Variants in CNKSR2 observed in about 807,000 individuals in gnomAD.
CNKSR2 encodes the protein connector enhancer of kinase suppressor of Ras 2, also known as CNK homolog protein 2.
In CNKSR2, 14 loss-of-function variants were observed where a neutral mutation model predicts 84.4. That is an observed-to-expected ratio of 0.17 (90% CI 0.11 to 0.26). CNKSR2 has a LOEUF of 0.26. Among genes scored for constraint, CNKSR2 ranks in the 10% least tolerant of loss-of-function variants. The pLI is 1.00. For synonymous variants in CNKSR2, 275 were observed against 277.9 expected (o/e 0.99, Z 0.10); for missense variants, 485 against 771.2 (o/e 0.63, Z 4.40).
chrX:21,457,555 A>G lies in CNKSR2; in HGVS notation c.520-13211A>G, dbSNP rs777412900. ...GCATTGATATTTTTTGTTAAACATC[A>G]TTGTATGATACATCATGATATTGAT... On this transcript the variant is annotated intron_variant, in intron 4 of 21. Transcript: ENST00000379510. 3.3e-3 allele frequency among the ~76,000 whole-genome samples: 367 copies of G among 112,050 alleles called. 2 individuals carry two copies. Among genetic ancestry groups the G allele is most frequent in the African/African-American group, 0.011 (340 of 30,939 alleles).
Position 21,648,977 on chromosome X carries a change from G to T in CNKSR2, c.2839G>T (p.Val947Leu), listed in dbSNP as rs2092714120. 8.3e-7 allele frequency: 1 copy of T among 1,201,527 alleles called. No homozygotes were observed. ...LSFIKRCNDP[V>L]MNEKLHRLRI... is the part of the protein sequence containing the mutation. ...ATTTATAAAAAGATGTAATGATCCT[G>T]TAATGAATGAAAAACTACACCGGCT... Residue 947 changes from valine (V) to leucine (L), a missense_variant, in exon 21 of 22, where the codon GTA becomes TTA. Coordinates refer to ENST00000379510, the MANE Select transcript of CNKSR2 (RefSeq NM_014927.5).
chrX:21,489,434 C>G (rs746653923), intron 5 of CNKSR2, among the ~76,000 whole-genome samples: 2 of 110,579 alleles, frequency 1.8e-5, no homozygotes, highest in Non-Finnish European at 1.9e-5. Context: ...ATAATAGTTC[C>G]TCCTATAGTT....
At chrX:21,578,549 G>GT (rs199558488) in intron 13 of CNKSR2, among the ~76,000 whole-genome samples, 10,483 of 82,924 alleles carry the variant, frequency 0.13, 537 homozygotes, top group Non-Finnish European at 0.15. Context: ...CTACTTACCT[G>GT]TTTTTTTTTT....
At chrX:21,491,452 T>A (rs1362281099) in intron 6 of CNKSR2, 1 of 112,281 alleles carries the variant, frequency 8.9e-6, no homozygotes, top group Non-Finnish European at 1.9e-5. Flanking sequence ...TCTAAGCAAG[T>A]TTAACTTTTT....
chrX:21,600,910 T>C (rs1767297851), intron 17 of CNKSR2, among the ~76,000 whole-genome samples: 1 of 112,466 alleles, frequency 8.9e-6, no homozygotes, highest in Admixed American at 9.4e-5. Context: ...AAATTGAACC[T>C]GATACTGTTT....
chrX:21,614,619 A>C (rs978071862), intron 20 of CNKSR2, among the ~76,000 whole-genome samples: 6 of 111,779 alleles, frequency 5.4e-5, no homozygotes, highest in Admixed American at 9.5e-5. Context: ...AGTAGTGAGA[A>C]AATTATTTTA....
In CNKSR2 at chrX:21,486,170, G is replaced by A. The variant is rs752283150; in HGVS notation, c.562-4289G>A. On this transcript the variant is annotated intron_variant, in intron 5 of 21. Transcript: ENST00000379510. ...TAAAATAATTTGATATGAATATTGC[G>A]AAAATAGCAAATAATAACAGTGGTT... is the stretch of plus-strand genomic sequence containing the variant. Among the ~76,000 whole-genome samples, 10 of 111,798 alleles carry A rather than the reference G, an allele frequency of 8.9e-5. No individual in the cohort carries two copies. The South Asian group carries it at 3.0e-3, about 34-fold the overall frequency.
chrX:21,490,665 A>G (rs1027243242), intron 6 of CNKSR2, 87 bp downstream of exon 6: 2 of 972,723 alleles, frequency 2.1e-6, no homozygotes, highest in African/African-American at 1.9e-5. Flanking sequence ...GTGGGAATCT[A>G]TGAATTTCAA....
chrX:21,585,072 A>G (rs1410748083), intron 13 of CNKSR2, among the ~76,000 whole-genome samples: 1 of 106,884 alleles, frequency 9.4e-6, no homozygotes, highest in Non-Finnish European at 1.9e-5. Flanking sequence ...GTAAAACCCC[A>G]TCTCTACTAA....
chrX:21,473,961 G>T (rs2147150510), intron 5 of CNKSR2, among the ~76,000 whole-genome samples: 1 of 108,252 alleles, frequency 9.2e-6, no homozygotes, highest in South Asian at 4.1e-4. Context: ...GTGTTAGCCA[G>T]GATGGTCTCA....
Position 21,495,783 on chromosome X carries a change from C to CAAAAAAAAAAAAAAAAAAAAAAAAAA in CNKSR2, c.682-1990_682-1965dup, listed in dbSNP as rs55689293. On this transcript the variant is annotated intron_variant, in intron 6 of 21. Transcript: ENST00000379510. ...GGGGGACGAAAGTGAAGCTCCGTCT[C>CAAAAAAAAAAAAAAAAAAAAAAAAAA]AAAAAAAAAAAAAAAAAAAAAAAAA... 2.9e-4 allele frequency: 2 copies of CAAAAAAAAAAAAAAAAAAAAAAAAAA among 6,963 alleles called. 1 individual carries two copies. The highest frequency in any genetic ancestry group is 5.1e-4 in the Non-Finnish European group (2 of 3,923). 0.6% of individuals were successfully genotyped at this position (6,963 alleles called of 1,213,427 possible). A position where few individuals can be genotyped will look rare whatever the true frequency, so the allele number is the denominator to read the frequency against.
chrX:21,622,802 A>G (rs1184723186), intron 20 of CNKSR2, among the ~76,000 whole-genome samples: 1 of 111,747 alleles, frequency 8.9e-6, no homozygotes, highest in African/African-American at 3.2e-5. Flanking sequence ...TATAATTAGT[A>G]TATTGATGGC....
chrX:21,575,897 A>G (rs942547813), intron 13 of CNKSR2, among the ~76,000 whole-genome samples: 4 of 112,446 alleles, frequency 3.6e-5, no homozygotes, highest in South Asian at 3.7e-4. Flanking sequence ...AGACATGACA[A>G]TCTTAAACAT....
chrX:21,434,872 C>T lies in CNKSR2; in HGVS notation c.431+2058C>T, dbSNP rs770086048. On this transcript the variant is annotated intron_variant, in intron 3 of 21. Coordinates refer to ENST00000379510, the MANE Select transcript of CNKSR2 (RefSeq NM_014927.5). ...CTTTATACATAAGTATATATACTCTCAGCTCATTGAATTCTCACAGAGCAG... is the reference window on the plus strand; with the variant it reads ...CTTTATACATAAGTATATATACTCTTAGCTCATTGAATTCTCACAGAGCAG... 1.1e-4 allele frequency among the ~76,000 whole-genome samples: 12 copies of T among 108,110 alleles called. No individual in the cohort carries two copies. In the South Asian group the frequency reaches 1.2e-3, roughly 11 times the overall value. The allele number at this position is 108,110 out of a possible 115,157, so 93.9% of individuals were successfully genotyped here.
At chrX:21,543,883 C>T (rs970905501) in intron 11 of CNKSR2, among the ~76,000 whole-genome samples, 2 of 110,442 alleles carry the variant, frequency 1.8e-5, no homozygotes, top group African/African-American at 6.6e-5. Flanking sequence ...AGTGCAATGG[C>T]ATGATCTCGG....
At chrX:21,530,014 C>T (rs993599950) in intron 10 of CNKSR2, among the ~76,000 whole-genome samples, 1 of 110,613 alleles carries the variant, frequency 9.0e-6, no homozygotes, top group Non-Finnish European at 1.9e-5. Context: ...TTGACAGATA[C>T]GCATAACCTT....
At chrX:21,621,817 T>C (rs928403316) in intron 20 of CNKSR2, among the ~76,000 whole-genome samples, 1 of 111,311 alleles carries the variant, frequency 9.0e-6, no homozygotes, top group African/African-American at 3.3e-5. Context: ...TTCATTTTTT[T>C]ATTAAATTCA....
chrX:21,549,347 C>A (rs144591719), intron 11 of CNKSR2, among the ~76,000 whole-genome samples: 73 of 111,704 alleles, frequency 6.5e-4, no homozygotes, highest in African/African-American at 2.2e-3. Context: ...CCTAGGAATA[C>A]AACTTACAAG....
At chrX:21,552,519 C>T (rs748726009) in intron 11 of CNKSR2, among the ~76,000 whole-genome samples, 3 of 111,909 alleles carry the variant, frequency 2.7e-5, no homozygotes, top group South Asian at 7.4e-4. Flanking sequence ...GACCCAACTA[C>T]CAATGATACG....
Sources: gnomAD v4.1 joint callset for allele counts (sites outside exome capture counted in the v4.1 genomes callset) on GRCh38, gnomAD v4.1.1 for gene constraint, MANE v1.5 for transcripts, NCBI Gene and HGNC (gene_info 2026-07-23, HGNC 2026-07-21) for gene names.